The following CSMD3 variants were observed in gnomAD, a reference collection of about 807,000 sequenced individuals.
CSMD3 encodes the protein CUB and Sushi multiple domains 3.
In CSMD3, 177 loss-of-function variants were observed where a neutral mutation model predicts 435.2. That is an observed-to-expected ratio of 0.41 (90% CI 0.36 to 0.46). CSMD3 has a LOEUF of 0.46. CSMD3 is among the 20% of genes least tolerant of loss of function. CSMD3 has a pLI of 0.34. For missense variants in CSMD3, 4,265 were observed against 4,504.6 expected, an observed-to-expected ratio of 0.95 and a Z score of 1.52; for synonymous variants, 1,656 against 1,520.5, an observed-to-expected ratio of 1.09 and a Z score of -2.07.
At chr8:113,276,040 C>T (rs1485547389) in intron 3 of CSMD3, among the ~76,000 whole-genome samples, 1 of 151,964 alleles carries the variant, frequency 6.6e-6, no homozygotes, top group Non-Finnish European at 1.5e-5. Flanking sequence ...TCACAATATG[C>T]CAGTTGGCCC....
chr8:113,257,707 A>G (rs556054318), intron 3 of CSMD3, among the ~76,000 whole-genome samples: 6 of 152,348 alleles, frequency 3.9e-5, no homozygotes. Flanking sequence ...AGGAAATTAG[A>G]TAATAACTTT....
chr8:112,440,424 A>G (rs934397568), intron 32 of CSMD3, among the ~76,000 whole-genome samples: 1 of 152,010 alleles, frequency 6.6e-6, no homozygotes, highest in Non-Finnish European at 1.5e-5. Context: ...TTGAGTGTCC[A>G]TGGCTTCTCC....
At chr8:112,411,462 T>C (rs1215866148) in intron 32 of CSMD3, among the ~76,000 whole-genome samples, 2 of 151,864 alleles carry the variant, frequency 1.3e-5, no homozygotes, top group Non-Finnish European at 1.5e-5. Flanking sequence ...ATATGGGCAA[T>C]TGAAATTTTA....
chr8:113,290,654 G>A (rs2093680103), intron 2 of CSMD3, among the ~76,000 whole-genome samples: 1 of 151,416 alleles, frequency 6.6e-6, no homozygotes. Flanking sequence ...TGTCTTCATT[G>A]GAATACATCA....
intron 24 of CSMD3, among the ~76,000 whole-genome samples, chr8:112,564,350 C>G (rs906943156): frequency 6.7e-6 from 1 of 150,334 alleles, no homozygotes; most frequent in East Asian, 2.0e-4. Flanking sequence ...TTCTCCCCTC[C>G]TTTCTCCCCT....
At chr8:112,781,745 G>A (rs1301293224) in intron 13 of CSMD3, among the ~76,000 whole-genome samples, 1 of 152,138 alleles carries the variant, frequency 6.6e-6, no homozygotes, top group Non-Finnish European at 1.5e-5. Flanking sequence ...GAGAGACTCT[G>A]TTGGGAGGAA....
At chr8:113,010,304 T>C (rs765720919) in intron 6 of CSMD3, among the ~76,000 whole-genome samples, 4 of 151,752 alleles carry the variant, frequency 2.6e-5, no homozygotes, top group Non-Finnish European at 5.9e-5. Flanking sequence ...AGAAGCTTTC[T>C]TGAAAAGGGA....
intron 6 of CSMD3, among the ~76,000 whole-genome samples, chr8:112,999,208 A>G (rs1489960159): frequency 6.6e-6 from 1 of 151,980 alleles, no homozygotes; most frequent in African/African-American, 2.4e-5. Context: ...AAAATAATGC[A>G]AGGGATGGAA....
intron 26 of CSMD3, 36 bp downstream of exon 26, chr8:112,552,558 T>C (rs2131200469): frequency 6.2e-7 from 1 of 1,600,442 alleles, no homozygotes; most frequent in South Asian, 1.1e-5. Context: ...GCACTTCAGA[T>C]TCCCTAGTAA....
intron 1 of CSMD3, among the ~76,000 whole-genome samples, chr8:113,356,115 A>G (rs150799367): frequency 6.6e-6 from 1 of 152,076 alleles, no homozygotes; most frequent in Non-Finnish European, 1.5e-5. Context: ...TGCATGTTTT[A>G]TATTTCCATT....
At chr8:112,289,193 T>C (rs928582281) in intron 57 of CSMD3, among the ~76,000 whole-genome samples, 172 bp downstream of exon 57, 3 of 152,160 alleles carry the variant, frequency 2.0e-5, no homozygotes, top group Non-Finnish European at 4.4e-5. Flanking sequence ...TGCATTTCTA[T>C]AGCCTTACAC....
At chr8:112,640,890 T>A (rs1175208535) in intron 20 of CSMD3, among the ~76,000 whole-genome samples, 1 of 152,084 alleles carries the variant, frequency 6.6e-6, no homozygotes, top group Non-Finnish European at 1.5e-5. Flanking sequence ...GAGAAATAAA[T>A]CATCATGTAT....
chr8:112,443,761 T>A (rs1268471423), intron 32 of CSMD3, among the ~76,000 whole-genome samples: 1 of 152,074 alleles, frequency 6.6e-6, no homozygotes, highest in African/African-American at 2.4e-5. Context: ...TTAATAATTT[T>A]TCTCTCAAAG....
chr8:112,663,616 C>T (rs574080979), intron 17 of CSMD3, among the ~76,000 whole-genome samples: 2 of 151,274 alleles, frequency 1.3e-5, no homozygotes, highest in South Asian at 4.2e-4. Context: ...TGCACATGTA[C>T]CCTAAAACTT....
intron 3 of CSMD3, among the ~76,000 whole-genome samples, chr8:113,223,273 A>T (rs886691949): frequency 6.6e-6 from 1 of 150,674 alleles, no homozygotes; most frequent in Non-Finnish European, 1.5e-5. Context: ...AATGAAATTT[A>T]CTATAAATTA....
intron 6 of CSMD3, among the ~76,000 whole-genome samples, chr8:112,999,667 C>T (rs1310965386): frequency 1.3e-5 from 2 of 151,218 alleles, no homozygotes; most frequent in African/African-American, 4.9e-5. Flanking sequence ...ATGATCCAAG[C>T]AGGAGAAGGT....
At chr8:113,000,202 T>C (rs1219407672) in intron 6 of CSMD3, among the ~76,000 whole-genome samples, 1 of 152,058 alleles carries the variant, frequency 6.6e-6, no homozygotes, top group Non-Finnish European at 1.5e-5. Context: ...TTCAAGAAAC[T>C]GACAAATTCT....
chr8:112,622,353 A>G (rs1179290979), intron 22 of CSMD3, among the ~76,000 whole-genome samples: 1 of 152,184 alleles, frequency 6.6e-6, no homozygotes, highest in Admixed American at 6.6e-5. Context: ...AACTAAAGCT[A>G]GGGAAGCCTA....
chr8:112,650,999 G>A (rs978717144), intron 18 of CSMD3, among the ~76,000 whole-genome samples: 1 of 152,156 alleles, frequency 6.6e-6, no homozygotes, highest in African/African-American at 2.4e-5. Context: ...TGTTGTGGGT[G>A]TCCTGTGCAT....
Sources: allele counts gnomAD v4.1 joint callset (sites outside exome capture counted in the v4.1 genomes callset), GRCh38; gene constraint gnomAD v4.1.1; transcripts MANE v1.5; gene names NCBI Gene and HGNC (gene_info 2026-07-23, HGNC 2026-07-21).